The following TSPAN15 variants were observed in gnomAD, a reference collection of about 807,000 sequenced individuals.
The protein encoded by TSPAN15 is tetraspanin-15.
In TSPAN15, 20 loss-of-function variants were observed where a neutral mutation model predicts 34.5. That is an observed-to-expected ratio of 0.58 (90% CI 0.41 to 0.84). The LOEUF is 0.84. Among genes scored for constraint, TSPAN15 ranks in the 40% least tolerant of loss-of-function variants. TSPAN15 has a pLI of 0.00. For missense variants in TSPAN15, 313 were observed against 386.1 expected, an observed-to-expected ratio of 0.81 and a Z score of 1.59; for synonymous variants, 155 against 153.9, an observed-to-expected ratio of 1.01 and a Z score of -0.05.
the TSPAN15 span, among the ~76,000 whole-genome samples, chr10:69,546,042 G>A: frequency 4.9e-4 from 74 of 152,166 alleles, no homozygotes; most frequent in Non-Finnish European, 8.5e-4. Flanking sequence ...GTGGGTGGCC[G>A]AGTTTACCTT....
At chr10:69,501,238 T>G (rs953828051) in intron 5 of TSPAN15, among the ~76,000 whole-genome samples, 3 of 152,072 alleles carry the variant, frequency 2.0e-5, no homozygotes, top group Non-Finnish European at 4.4e-5. Context: ...AGTCTGGAGT[T>G]CTGGGAACGA....
At chr10:69,523,484 A>G in the TSPAN15 span, 3 of 524,218 alleles carry the variant, frequency 5.7e-6, no homozygotes, top group Non-Finnish European at 1.1e-5. Flanking sequence ...GGCACCCCTA[A>G]CAGGGCCAGA....
At chr10:69,527,322 A>C in the TSPAN15 span, among the ~76,000 whole-genome samples, 1 of 147,716 alleles carries the variant, frequency 6.8e-6, no homozygotes. Flanking sequence ...TTGGCCGGGC[A>C]CAGTGGCTCA....
rs182526253 is a variant in TSPAN15 at position 69,455,610 on chromosome 10, C to T, written c.96+3920C>T. Among the ~76,000 whole-genome samples the T allele has an allele frequency of 6.8e-3, 594 of 87,164 alleles. 4 individuals are homozygous for T. Among genetic ancestry groups the T allele is most frequent in the African/African-American group, 0.011 (228 of 21,538 alleles). The allele number at this position is 87,164 out of a possible 152,430, so 57.2% of individuals were successfully genotyped here. A position where few individuals can be genotyped will look rare whatever the true frequency, so the allele number is the denominator to read the frequency against. ...TCTTTCTCTTTCTTTCTTTCTTTCT[C>T]TCTCTCTCTCTCTCTCCCCCCCCCG... is the stretch of plus-strand genomic sequence containing the variant. On this transcript the variant is annotated intron_variant, in intron 1 of 7. Transcript: ENST00000373290.
chr10:69,486,851 A>G (rs1351162819), intron 3 of TSPAN15, among the ~76,000 whole-genome samples: 1 of 152,244 alleles, frequency 6.6e-6, no homozygotes, highest in African/African-American at 2.4e-5. Flanking sequence ...GAGCCCCAGG[A>G]AAGGGGCTTT....
chr10:69,501,003 C>G (rs931167074), intron 5 of TSPAN15, among the ~76,000 whole-genome samples: 4 of 152,070 alleles, frequency 2.6e-5, no homozygotes, highest in African/African-American at 9.7e-5. Context: ...AGTAAGCCTA[C>G]AGGATTTGCT....
chr10:69,540,300 C>T, the TSPAN15 span, among the ~76,000 whole-genome samples: 1 of 152,186 alleles, frequency 6.6e-6, no homozygotes, highest in South Asian at 2.1e-4. Flanking sequence ...GAGGCTGAGG[C>T]AGGAGAGTGG....
chr10:69,531,987 A>T, the TSPAN15 span, among the ~76,000 whole-genome samples: 257 of 152,168 alleles, frequency 1.7e-3, no homozygotes, highest in African/African-American at 5.7e-3. Flanking sequence ...AAAGAAGATG[A>T]AAGACCTCTA....
At chr10:69,535,998 C>A in the TSPAN15 span, among the ~76,000 whole-genome samples, 1 of 152,192 alleles carries the variant, frequency 6.6e-6, no homozygotes, top group Non-Finnish European at 1.5e-5. Context: ...GGAGCATCTT[C>A]GAACCTGAAC....
chr10:69,489,640 C>A (rs1841927345), intron 3 of TSPAN15, among the ~76,000 whole-genome samples: 1 of 152,204 alleles, frequency 6.6e-6, no homozygotes, highest in African/African-American at 2.4e-5. Context: ...ACGGCCACAG[C>A]CAGGCATTGA....
chr10:69,484,109 G>C (rs1841797710), intron 2 of TSPAN15: 1 of 442,288 alleles, frequency 2.3e-6, no homozygotes, highest in Non-Finnish European at 4.0e-6. Context: ...GTGTTCATCT[G>C]GATGCTCAGT....
At chr10:69,454,818 A>C (rs1841048720) in intron 1 of TSPAN15, among the ~76,000 whole-genome samples, 1 of 152,168 alleles carries the variant, frequency 6.6e-6, no homozygotes. Context: ...CAGAAAATAA[A>C]AAATAAAAAA....
chr10:69,544,255 A>G, the TSPAN15 span, among the ~76,000 whole-genome samples: 1 of 152,222 alleles, frequency 6.6e-6, no homozygotes, highest in Non-Finnish European at 1.5e-5. Flanking sequence ...GTATTATTTA[A>G]GCTCAGTATT....
At chr10:69,475,237 G>T (rs115778251) in intron 1 of TSPAN15, among the ~76,000 whole-genome samples, 2,571 of 152,256 alleles carry the variant, frequency 0.017, 75 homozygotes, top group African/African-American at 0.057. Context: ...TTAAGCCTTG[G>T]AAGGCTCTGT....
intron 1 of TSPAN15, 28 bp downstream of exon 1, chr10:69,451,718 T>G: frequency 1.4e-6 from 2 of 1,415,172 alleles, no homozygotes; most frequent in Non-Finnish European, 1.9e-6. Context: ...GGCCCGGGGA[T>G]GGGGGTGGGG....
intron 3 of TSPAN15, among the ~76,000 whole-genome samples, chr10:69,490,193 A>G (rs2133126390): frequency 6.6e-6 from 1 of 152,268 alleles, no homozygotes; most frequent in South Asian, 2.1e-4. Flanking sequence ...TCTGGGCACA[A>G]CCTTGAGGTC....
rs1842364063 is a variant in TSPAN15 at position 69,507,657 on chromosome 10, T to TG, written c.*679_*680insG. 10 of 1,108,696 alleles carry TG rather than the reference T, an allele frequency of 9.0e-6. No homozygotes were observed. The highest frequency in any genetic ancestry group is 1.2e-5 in the Non-Finnish European group (10 of 853,836). The allele number at this position is 1,108,696 out of a possible 1,614,324, so 68.7% of individuals were successfully genotyped here. A position where few individuals can be genotyped will look rare whatever the true frequency, so the allele number is the denominator to read the frequency against. ...AATCAAACAATAAAAACATGTTTTT[T>TG]TTTTTTTTTTTTTTTTGCCTTTCCT... On this transcript the variant is annotated 3_prime_UTR_variant, in exon 8 of 8. Transcript: ENST00000373290.
chr10:69,485,764 A>G (rs1388319442), intron 3 of TSPAN15, among the ~76,000 whole-genome samples: 1 of 106,406 alleles, frequency 9.4e-6, no homozygotes, highest in Admixed American at 8.8e-5. Context: ...CAGGGGCCCA[A>G]CTGGGAGGCT....
chr10:69,480,337 A>AT (rs71009227), intron 1 of TSPAN15, among the ~76,000 whole-genome samples: 30,197 of 150,264 alleles, frequency 0.2, 3,187 homozygotes, highest in Non-Finnish European at 0.24. Context: ...AAGAAGAAGC[A>AT]TTTTTTTTTT....
Sources: gnomAD v4.1 joint callset for allele counts (sites outside exome capture counted in the v4.1 genomes callset) on GRCh38, gnomAD v4.1.1 for gene constraint, MANE v1.5 for transcripts, NCBI Gene and HGNC (gene_info 2026-07-23, HGNC 2026-07-21) for gene names.